LNPEP: variants seen among roughly 807,000 people sequenced by gnomAD.
LNPEP encodes the protein leucyl and cystinyl aminopeptidase.
Under a neutral mutation model 120.6 loss-of-function variants are expected in LNPEP, and 64 were observed. The ratio of observed to expected loss-of-function variants is 0.53; its 90% confidence interval spans 0.43 to 0.65. The LOEUF (loss-of-function observed/expected upper bound fraction) is 0.65. Ranked by LOEUF, LNPEP falls within the 30% of genes least tolerant of loss-of-function variation. The pLI is 0.00. For synonymous variants in LNPEP, 435 were observed against 425.4 expected, an observed-to-expected ratio of 1.02 and a Z score of -0.28; for missense variants, 1,057 against 1,200.0, an observed-to-expected ratio of 0.88 and a Z score of 1.76.
At chr5:96,937,361 A>G (rs1788933060) in intron 1 of LNPEP, 1 of 152,294 alleles carries the variant, frequency 6.6e-6, no homozygotes, top group South Asian at 2.1e-4. Flanking sequence ...TTCTACTGCC[A>G]TCTTTCTGTC....
At chr5:96,977,829 T>A (rs1316942680) in intron 1 of LNPEP, among the ~76,000 whole-genome samples, 2 of 152,198 alleles carry the variant, frequency 1.3e-5, no homozygotes, top group African/African-American at 4.8e-5. Context: ...TTGCCAGGTA[T>A]GAAATAAATA....
At position 97,032,944 on chromosome 5, in the gene LNPEP, A is replaced by G. The variant is rs967311031; in HGVS notation, c.*4411A>G. On this transcript the variant is annotated 3_prime_UTR_variant, in exon 18 of 18. Transcript: ENST00000231368. ...GTGCCACCTTTTTATACTTCATTTT[A>G]TACTTGTTTCCTTGTATGGATGCAT... 2 of 152,140 alleles carry G rather than the reference A, an allele frequency of 1.3e-5. No homozygotes were observed. Among genetic ancestry groups the G allele is most frequent in the African/African-American group, 2.4e-5 (1 of 41,434 alleles). The allele number at this position is 152,140 out of a possible 1,614,324, so 9.4% of individuals were successfully genotyped here.
chr5:97,004,195 G>C, intron 9 of LNPEP, among the ~76,000 whole-genome samples: 1 of 152,312 alleles, frequency 6.6e-6, no homozygotes, highest in Middle Eastern at 3.4e-3. Flanking sequence ...CCCTGATTTA[G>C]ATTGATGGGT....
chr5:96,979,094 T>C, intron 1 of LNPEP, 44 bp from the exon 2 acceptor site: 1 of 1,527,004 alleles, frequency 6.5e-7, no homozygotes, highest in South Asian at 1.3e-5. Flanking sequence ...ATGAGCTTTT[T>C]TTTTTCTAAC....
In LNPEP at chr5:96,986,681, G is replaced by A. The variant is rs370693066; in HGVS notation, c.1131+11G>A. On this transcript the variant is annotated intron_variant, in intron 4 of 17. Transcript: ENST00000231368. ...GTAAATGGAACCCTGGTATGTTGAT[G>A]TGGTAATTGTCTGAAAGCCTGTGTC... 1.2e-6 allele frequency: 2 copies of A among 1,612,542 alleles called. No individual in the cohort carries two copies. The highest frequency in any genetic ancestry group is 1.7e-6 in the Non-Finnish European group (2 of 1,179,058).
intron 4 of LNPEP, among the ~76,000 whole-genome samples, chr5:96,992,688 G>A (rs1003040135): frequency 4.8e-5 from 7 of 145,880 alleles, no homozygotes; most frequent in African/African-American, 1.5e-4. Flanking sequence ...AGAAAGAGAA[G>A]AGTATCATAA....
At chr5:96,988,683 C>A (rs1190734172) in intron 4 of LNPEP, among the ~76,000 whole-genome samples, 1 of 152,052 alleles carries the variant, frequency 6.6e-6, no homozygotes, top group Non-Finnish European at 1.5e-5. Context: ...AATCATAGCT[C>A]ACCGTAACAT....
rs1291316020 is a variant in LNPEP at position 97,036,620 on chromosome 5, G to T, written c.*8087G>T. 1.3e-5 allele frequency: 2 copies of T among 151,858 alleles called. No homozygotes were observed. The highest frequency in any genetic ancestry group is 6.6e-5 in the Admixed American group (1 of 15,230). The allele number at this position is 151,858 out of a possible 1,614,324, so 9.4% of individuals were successfully genotyped here. On this transcript the variant is annotated 3_prime_UTR_variant, in exon 18 of 18. Transcript: ENST00000231368. ...TCTCTGCTCTCCTCCCTTCCTTCAG[G>T]CCTCTTAGCATTGTTTGTTTTCCCA...
chr5:96,958,733 C>T (rs76507650), intron 1 of LNPEP: 5,718 of 152,320 alleles, frequency 0.038, 184 homozygotes, highest in Middle Eastern at 0.11. Context: ...CGTCCACATT[C>T]CTTGGCTCCT....
chr5:97,003,065 A>C (rs1033693252), intron 8 of LNPEP, among the ~76,000 whole-genome samples: 4 of 152,196 alleles, frequency 2.6e-5, no homozygotes, highest in Admixed American at 6.5e-5. Context: ...TGTAGGTGCC[A>C]CAGAAAATTT....
chr5:97,016,343 C>A (rs758561518), intron 13 of LNPEP, among the ~76,000 whole-genome samples: 10 of 152,066 alleles, frequency 6.6e-5, no homozygotes, highest in Non-Finnish European at 1.3e-4. Flanking sequence ...GAAACAAGTG[C>A]ATTTGAGTGC....
At chr5:96,990,349 G>T (rs77062357) in intron 4 of LNPEP, among the ~76,000 whole-genome samples, 4 of 152,094 alleles carry the variant, frequency 2.6e-5, no homozygotes, top group African/African-American at 9.7e-5. Context: ...GTGTTAGAAG[G>T]CTGGGCTAAT....
chr5:96,998,965 T>G (rs916038017), intron 8 of LNPEP, among the ~76,000 whole-genome samples: 3 of 152,146 alleles, frequency 2.0e-5, no homozygotes, highest in African/African-American at 7.2e-5. Flanking sequence ...CAATGAGGTC[T>G]GCAAAGAAAA....
intron 7 of LNPEP, among the ~76,000 whole-genome samples, chr5:96,997,073 G>A (rs954130843): frequency 1.3e-5 from 2 of 152,080 alleles, no homozygotes; most frequent in Middle Eastern, 3.4e-3. Context: ...TATAATAGTG[G>A]TGTCACTATG....
At chr5:96,970,128 G>A (rs141517564) in intron 1 of LNPEP, among the ~76,000 whole-genome samples, 5,699 of 151,900 alleles carry the variant, frequency 0.038, 185 homozygotes, top group Middle Eastern at 0.11. Flanking sequence ...CCATCTTGGT[G>A]AATGTTTCAT....
At chr5:96,944,876 A>G (rs753514087) in intron 1 of LNPEP, among the ~76,000 whole-genome samples, 27 of 152,008 alleles carry the variant, frequency 1.8e-4, no homozygotes, top group Non-Finnish European at 3.7e-4. Context: ...GGCCACATTC[A>G]AAGATTTTCT....
At chr5:97,022,683 A>T (rs1029678266) in intron 14 of LNPEP, among the ~76,000 whole-genome samples, 199 bp downstream of exon 14, 1 of 151,204 alleles carries the variant, frequency 6.6e-6, no homozygotes, top group African/African-American at 2.4e-5. Context: ...CATGTGCACA[A>T]TGTGCAGGTT....
At chr5:96,972,938 A>G (rs868477417) in intron 1 of LNPEP, among the ~76,000 whole-genome samples, 1 of 152,140 alleles carries the variant, frequency 6.6e-6, no homozygotes, top group African/African-American at 2.4e-5. Context: ...CTCCAATGTC[A>G]TGACCTTGGG....
At position 97,035,119 on chromosome 5, in the gene LNPEP, A is replaced by G. The variant is rs1235210181; in HGVS notation, c.*6586A>G. ...TCCTGTTTCCCTTCCCTCATTGCCTACAGGGGCAATAGTTTCATATCTTGG... is the reference window on the plus strand; with the variant it reads ...TCCTGTTTCCCTTCCCTCATTGCCTGCAGGGGCAATAGTTTCATATCTTGG... On this transcript the variant is annotated 3_prime_UTR_variant, in exon 18 of 18. Coordinates refer to ENST00000231368, the MANE Select transcript of LNPEP (RefSeq NM_005575.3). 6.6e-6 allele frequency: 1 copy of G among 152,076 alleles called. No individual in the cohort carries two copies. Among genetic ancestry groups the G allele is most frequent in the African/African-American group, 2.4e-5 (1 of 41,414 alleles). 9.4% of individuals were successfully genotyped at this position (152,076 alleles called of 1,614,324 possible).
Sources: gnomAD v4.1 joint callset for allele counts (sites outside exome capture counted in the v4.1 genomes callset) on GRCh38, gnomAD v4.1.1 for gene constraint, MANE v1.5 for transcripts, NCBI Gene and HGNC (gene_info 2026-07-23, HGNC 2026-07-21) for gene names.